Variants in RALGAPA1 observed in about 807,000 individuals in gnomAD.
RALGAPA1 encodes the protein Ral GTPase activating protein catalytic subunit alpha 1.
In RALGAPA1, 52 loss-of-function variants were observed where a neutral mutation model predicts 269.6. The ratio of observed to expected loss-of-function variants is 0.19; its 90% CI spans 0.15 to 0.24. The LOEUF is 0.24. Among genes scored for constraint, RALGAPA1 ranks in the 10% least tolerant of loss-of-function variants. The probability of loss-of-function intolerance (pLI) is 1.00; values close to 1 mark genes in which losing one functional copy is unlikely to be tolerated. For synonymous variants in RALGAPA1, 817 were observed against 1,008.3 expected (o/e 0.81, Z 3.60); for missense variants, 1,917 against 3,013.9 (o/e 0.64, Z 8.52).
chr14:35,715,960 C>T (rs961207085), intron 16 of RALGAPA1: 41 of 985,158 alleles, frequency 4.2e-5, no homozygotes, highest in African/African-American at 3.1e-4. Context: ...ACCAGTGGTA[C>T]GACGAAATGC....
At chr14:35,592,788 A>G (rs1217915033) in intron 37 of RALGAPA1, among the ~76,000 whole-genome samples, 1 of 152,210 alleles carries the variant, frequency 6.6e-6, no homozygotes, top group Admixed American at 6.5e-5. Context: ...AAAAGCATTC[A>G]ACTAAGTCCA....
intron 4 of RALGAPA1, among the ~76,000 whole-genome samples, chr14:35,763,719 G>A (rs926539976): frequency 4.0e-5 from 6 of 151,040 alleles, no homozygotes; most frequent in Non-Finnish European, 7.4e-5. Flanking sequence ...CAAGAGTACC[G>A]TAATAAATAG....
rs371647199 is a variant in RALGAPA1 at position 35,634,771 on chromosome 14, G to A, written c.5812-14C>T. On this transcript the variant is annotated splice_polypyrimidine_tract_variant and intron_variant, in intron 32 of 41. Coordinates refer to ENST00000680220, the MANE Select transcript of RALGAPA1 (RefSeq NM_001346249.2). ...CCCATGTAAAACCTGAAAATACAGG[G>A]GGAAACACCCAGTTTTACTTAAAAA... The A allele has an allele frequency of 7.1e-6, 11 of 1,557,638 alleles. No homozygotes were observed. The highest frequency in any genetic ancestry group is 1.4e-5 in the African/African-American group (1 of 72,038).
At chr14:35,696,729 G>A (rs1567028611) in intron 17 of RALGAPA1, among the ~76,000 whole-genome samples, 4 of 151,888 alleles carry the variant, frequency 2.6e-5, no homozygotes, top group South Asian at 2.1e-4. Flanking sequence ...TCTATGAGTC[G>A]TTTCATTGAG....
At chr14:35,786,356 CCA>C (rs1423868464) in intron 1 of RALGAPA1, among the ~76,000 whole-genome samples, 2 of 152,032 alleles carry the variant, frequency 1.3e-5, no homozygotes, top group African/African-American at 4.8e-5. Context: ...AATCTGGTTA[CCA>C]GCCAGGCGCG....
At chr14:35,565,615 CTACA>C (rs925915553) in intron 39 of RALGAPA1, among the ~76,000 whole-genome samples, 1 of 152,118 alleles carries the variant, frequency 6.6e-6, no homozygotes, top group Admixed American at 6.6e-5. Context: ...GCGCCCACAA[CTACA>C]TGAACAAATT....
intron 6 of RALGAPA1, among the ~76,000 whole-genome samples, chr14:35,759,059 C>T (rs2073450224): frequency 6.6e-6 from 1 of 152,128 alleles, no homozygotes; most frequent in African/African-American, 2.4e-5. Context: ...TGGGACTGCG[C>T]TACAGCATAG....
chr14:35,781,662 G>A (rs1413619507), intron 1 of RALGAPA1, among the ~76,000 whole-genome samples: 1 of 151,862 alleles, frequency 6.6e-6, no homozygotes, highest in African/African-American at 2.4e-5. Flanking sequence ...ATCCCAGAAG[G>A]CAAGGTTGGT....
rs561711944 is a variant in RALGAPA1, at chr14:35,704,496, A to T, written c.2267-4194T>A. On this transcript the variant is annotated intron_variant, in intron 16 of 41. Transcript: ENST00000680220. ...TTATTAAGTGAACAATAATGAATAAATTCTCTTAGACTTTCAAAGAAAAAA... is the reference window on the plus strand; with the variant it reads ...TTATTAAGTGAACAATAATGAATAATTTCTCTTAGACTTTCAAAGAAAAAA... Among the ~76,000 whole-genome samples, 5 of 152,292 alleles carry T rather than the reference A, an allele frequency of 3.3e-5. No individual in the cohort carries two copies. The East Asian group carries it at 9.6e-4, about 29-fold the overall frequency.
intron 37 of RALGAPA1, among the ~76,000 whole-genome samples, chr14:35,582,317 G>A (rs1455868493): frequency 1.3e-5 from 2 of 152,172 alleles, no homozygotes; most frequent in Admixed American, 1.3e-4. Context: ...AACAAAACAA[G>A]TTCTGGGTCT....
At chr14:35,787,142 T>C (rs1210412114) in intron 1 of RALGAPA1, among the ~76,000 whole-genome samples, 2 of 152,226 alleles carry the variant, frequency 1.3e-5, no homozygotes, top group African/African-American at 4.8e-5. Flanking sequence ...ATTAACTCCT[T>C]TACTCCTTTA....
chr14:35,782,369 G>A (rs2075493093), intron 1 of RALGAPA1, among the ~76,000 whole-genome samples: 2 of 152,182 alleles, frequency 1.3e-5, no homozygotes, highest in African/African-American at 4.8e-5. Context: ...ACTGAATGCT[G>A]TTAAGATAGC....
At chr14:35,699,585 T>G (rs2067174477) in intron 17 of RALGAPA1, among the ~76,000 whole-genome samples, 1 of 152,090 alleles carries the variant, frequency 6.6e-6, no homozygotes, top group African/African-American at 2.4e-5. Context: ...CTTCACAGAA[T>G]GGTTTAAAAA....
rs112935293 is a variant in RALGAPA1 at position 35,751,898 on chromosome 14, T to G, written c.802+126A>C. 3.8e-6 allele frequency: 5 copies of G among 1,325,162 alleles called. No homozygotes were observed. The Admixed American group carries it at 1.8e-4, about 47-fold the overall frequency. 82.1% of individuals were successfully genotyped at this position (1,325,162 alleles called of 1,614,324 possible). A position where few individuals can be genotyped will look rare whatever the true frequency, so the allele number is the denominator to read the frequency against. ...GCTTTCAGTATGAATCTAGGTATCA[T>G]ATCTATACCAACCAATACAAGTATT... On this transcript the variant is annotated intron_variant, in intron 8 of 41. Transcript: ENST00000680220.
intron 33 of RALGAPA1, 52 bp downstream of exon 33, chr14:35,634,522 T>C: frequency 6.8e-7 from 1 of 1,466,670 alleles, no homozygotes; most frequent in East Asian, 2.4e-5. Flanking sequence ...CCTCAAGTTA[T>C]ACCTTGAGAG....
intron 35 of RALGAPA1, 113 bp from the exon 36 acceptor site, chr14:35,605,822 AG>A (rs1235129628): frequency 1.5e-5 from 19 of 1,228,852 alleles, no homozygotes; most frequent in Non-Finnish European, 1.9e-5. Context: ...AAAAAGAATT[AG>A]ATCTTATAGT....
At chr14:35,669,578 C>T (rs754043330) in intron 26 of RALGAPA1, among the ~76,000 whole-genome samples, 6 of 151,960 alleles carry the variant, frequency 3.9e-5, no homozygotes, top group African/African-American at 1.4e-4. Context: ...GATGAAGAAA[C>T]TGAGACACAG....
Position 35,689,116 on chromosome 14 carries a change from G to A in RALGAPA1, c.3295C>T (p.Arg1099Cys), listed in dbSNP as rs557735632. ...NEKITVPHVM[R>C]AKKATLKAPV... ...GCTTTTAGTGTTGCTTTCTTGGCAC[G>A]CATAACATGTGGGACAGTGATTTTT... Residue 1099 changes from arginine (R) to cysteine (C), a missense_variant, in exon 18 of 42, where the codon CGT (arginine) becomes TGT (cysteine). By Grantham distance (180) the Arg-to-Cys change is radical. Transcript: ENST00000680220. 5.5e-5 allele frequency: 68 copies of A among 1,235,278 alleles called. No homozygotes were observed. The highest frequency in any genetic ancestry group is 8.2e-5 in the Admixed American group (2 of 24,408). The allele number at this position is 1,235,278 out of a possible 1,614,324, so 76.5% of individuals were successfully genotyped here.
intron 16 of RALGAPA1, chr14:35,706,891 C>G (rs2067858062): frequency 6.6e-6 from 1 of 152,090 alleles, no homozygotes; most frequent in African/African-American, 2.4e-5. Context: ...TTGTTAAGAA[C>G]AAAATCAACT....
Sources: gnomAD v4.1 joint callset for allele counts (sites outside exome capture counted in the v4.1 genomes callset) on GRCh38, gnomAD v4.1.1 for gene constraint, MANE v1.5 for transcripts, NCBI Gene and HGNC (gene_info 2026-07-23, HGNC 2026-07-21) for gene names.